Variants in HHIPL1 observed in about 807,000 individuals in gnomAD.
HHIPL1 encodes the protein HHIP like 1, also known as HHIP-like protein 1.
Under a neutral mutation model 61.8 loss-of-function variants are expected in HHIPL1, and 43 were observed. That is an observed-to-expected ratio of 0.70 (90% CI 0.55 to 0.90). The LOEUF (loss-of-function observed/expected upper bound fraction) is 0.90, where lower values mean the gene tolerates loss of function less well. HHIPL1 is among the 40% of genes least tolerant of loss of function. The pLI is 0.00. For synonymous variants in HHIPL1, 482 were observed against 515.8 expected, an observed-to-expected ratio of 0.93 and a Z score of 0.89; for missense variants, 1,056 against 1,157.7, an observed-to-expected ratio of 0.91 and a Z score of 1.28.
At position 99,675,048 on chromosome 14, in the gene HHIPL1, G is replaced by A; in HGVS notation, c.1814-43G>A. On this transcript the variant is annotated intron_variant, in intron 8 of 8. Coordinates refer to ENST00000330710, the MANE Select transcript of HHIPL1 (RefSeq NM_001127258.3). This position sits in a 1 kb window ranked among gnomAD's most constrained non-coding sequence, Gnocchi z 5.4. ...CAGGGTGGGCAGCAGGGCTGGACAGGGGCGCCTGGGTCCCTCTGACGGCAT... is the reference window on the plus strand; with the variant it reads ...CAGGGTGGGCAGCAGGGCTGGACAGAGGCGCCTGGGTCCCTCTGACGGCAT... 9.2e-7 allele frequency: 1 copy of A among 1,082,386 alleles called. No individual in the cohort carries two copies. Among genetic ancestry groups the A allele is most frequent in the Non-Finnish European group, 1.1e-6 (1 of 874,412 alleles). 67.0% of individuals were successfully genotyped at this position (1,082,386 alleles called of 1,614,324 possible).
chr14:99,634,334 A>G, the HHIPL1 span, among the ~76,000 whole-genome samples: 2 of 152,128 alleles, frequency 1.3e-5, no homozygotes, highest in African/African-American at 4.8e-5. Flanking sequence ...TTCTCCACCC[A>G]GATGAGGAAG....
At chr14:99,607,995 G>A in the HHIPL1 span, among the ~76,000 whole-genome samples, 8 of 152,194 alleles carry the variant, frequency 5.3e-5, no homozygotes, top group Non-Finnish European at 8.8e-5. Flanking sequence ...CATTGTGGGA[G>A]CATGCTCAGG....
the HHIPL1 span, among the ~76,000 whole-genome samples, chr14:99,630,640 C>T: frequency 6.6e-6 from 1 of 152,234 alleles, no homozygotes; most frequent in Non-Finnish European, 1.5e-5. Context: ...CCGCCGAAGG[C>T]CGCTGCCAGC....
At chr14:99,620,552 C>T in the HHIPL1 span, among the ~76,000 whole-genome samples, 10 of 152,248 alleles carry the variant, frequency 6.6e-5, no homozygotes, top group Non-Finnish European at 1.5e-4. Flanking sequence ...CCTTCCTCCC[C>T]GCAGGGGGGC....
chr14:99,615,210 T>C, the HHIPL1 span, among the ~76,000 whole-genome samples: 2 of 152,012 alleles, frequency 1.3e-5, no homozygotes, highest in African/African-American at 4.8e-5. Flanking sequence ...AGAAAAATTA[T>C]TTCCCAGACA....
intron 8 of HHIPL1, among the ~76,000 whole-genome samples, chr14:99,673,927 G>A (rs1404658911): frequency 7.1e-6 from 1 of 141,792 alleles, no homozygotes; most frequent in Non-Finnish European, 1.6e-5. Context: ...CCAAGAGGGA[G>A]GTTCACTCAG....
chr14:99,636,423 T>G, the HHIPL1 span, among the ~76,000 whole-genome samples: 1 of 152,184 alleles, frequency 6.6e-6, no homozygotes, highest in Non-Finnish European at 1.5e-5. Context: ...TTGTGGGTCT[T>G]TAATAAATGC....
the HHIPL1 span, among the ~76,000 whole-genome samples, chr14:99,605,636 A>G: frequency 6.6e-5 from 10 of 152,360 alleles, no homozygotes; most frequent in African/African-American, 2.4e-4. Flanking sequence ...TGGGGAGAAG[A>G]TAGACGAGCT....
rs1163212501 is a variant in HHIPL1 at position 99,656,794 on chromosome 14, A to G, written c.903-206A>G. On this transcript the variant is annotated intron_variant, in intron 2 of 8. Coordinates refer to ENST00000330710, the MANE Select transcript of HHIPL1 (RefSeq NM_001127258.3). ...TGTCTGCAAAAAGAAAAGAAAAGAA[A>G]GAAAGAAAGAAAGAAAGAAAGAAAG... is the stretch of plus-strand genomic sequence containing the variant. Among the ~76,000 whole-genome samples, 4 of 2,176 alleles carry G rather than the reference A, an allele frequency of 1.8e-3. 1 individual carries two copies. The Non-Finnish European group carries it at 0.022, about 12-fold the overall frequency. The allele number at this position is 2,176 out of a possible 152,430, so 1.4% of individuals were successfully genotyped here. A position where few individuals can be genotyped will look rare whatever the true frequency, so the allele number is the denominator to read the frequency against.
At chr14:99,636,955 G>A in the HHIPL1 span, among the ~76,000 whole-genome samples, 1 of 126,952 alleles carries the variant, frequency 7.9e-6, no homozygotes, top group Non-Finnish European at 1.6e-5. Context: ...GGGTGACAGA[G>A]AAAGATCCTG....
the HHIPL1 span, among the ~76,000 whole-genome samples, chr14:99,631,094 TTC>T: frequency 3.7e-5 from 5 of 136,612 alleles, no homozygotes; most frequent in Non-Finnish European, 6.4e-5. Flanking sequence ...CTTTCTTTCT[TTC>T]TTTCTTTCTT....
At chr14:99,665,947 A>G (rs1410876637) in intron 6 of HHIPL1, among the ~76,000 whole-genome samples, 1 of 151,560 alleles carries the variant, frequency 6.6e-6, no homozygotes, top group African/African-American at 2.4e-5. Flanking sequence ...ATGCCTGGCT[A>G]ATTTTTGTAT....
At chr14:99,629,164 C>G in the HHIPL1 span, among the ~76,000 whole-genome samples, 1 of 152,222 alleles carries the variant, frequency 6.6e-6, no homozygotes, top group Admixed American at 6.5e-5. Flanking sequence ...AACACCATCT[C>G]CTGGCAGCCC....
rs1476335670 is a variant in HHIPL1, at chr14:99,660,548, G to A, written c.1502+142G>A. ...TGACAGGGGCCCCTAGGTGTGGGCC[G>A]GACACCCGCATCCACCCGCTTTTCT... is the stretch of plus-strand genomic sequence containing the variant. On this transcript the variant is annotated intron_variant, in intron 5 of 8. Transcript: ENST00000330710. This position sits in a 1 kb window ranked among gnomAD's most constrained non-coding sequence, Gnocchi z 4.9. 1.0e-5 allele frequency: 10 copies of A among 999,978 alleles called. No homozygotes were observed. Among genetic ancestry groups the A allele is most frequent in the East Asian group, 2.5e-5 (1 of 40,318 alleles). 61.9% of individuals were successfully genotyped at this position (999,978 alleles called of 1,614,324 possible). A position where few individuals can be genotyped will look rare whatever the true frequency, so the allele number is the denominator to read the frequency against.
At chr14:99,641,892 T>A (rs1000304825), upstream of HHIPL1, among the ~76,000 whole-genome samples, 2 of 152,148 alleles carry the variant, frequency 1.3e-5, no homozygotes, top group Non-Finnish European at 2.9e-5. Flanking sequence ...CCTCTTAGAT[T>A]CTTGGATCTG....
intron 3 of HHIPL1, among the ~76,000 whole-genome samples, chr14:99,657,744 CACACAA>C (rs968739943): frequency 3.2e-4 from 49 of 150,848 alleles, no homozygotes; most frequent in African/African-American, 1.2e-3. Context: ...CACACATACA[CACACAA>C]ACACACATAC....
chr14:99,666,781 C>G (rs1210952282), intron 6 of HHIPL1, among the ~76,000 whole-genome samples: 1 of 152,192 alleles, frequency 6.6e-6, no homozygotes, highest in Non-Finnish European at 1.5e-5. Flanking sequence ...GCATCATCAC[C>G]ATGTGTGCCT....
intron 7 of HHIPL1, chr14:99,669,380 C>T (rs1221939236): frequency 1.1e-5 from 11 of 977,480 alleles, no homozygotes; most frequent in Non-Finnish European, 1.1e-5. Context: ...TTGTCTCTAA[C>T]GCAAGGCCTG....
At chr14:99,610,760 CA>C in the HHIPL1 span, among the ~76,000 whole-genome samples, 1 of 151,028 alleles carries the variant, frequency 6.6e-6, no homozygotes, top group Non-Finnish European at 1.5e-5. Flanking sequence ...GACTCCACCT[CA>C]AAAAAAAATA....
Sources: allele counts gnomAD v4.1 joint callset (sites outside exome capture counted in the v4.1 genomes callset), GRCh38; gene constraint gnomAD v4.1.1; non-coding constraint Gnocchi (gnomAD v3.1); transcripts MANE v1.5; gene names NCBI Gene and HGNC (gene_info 2026-07-23, HGNC 2026-07-21).